ZFP90: variants seen among roughly 807,000 people sequenced by gnomAD.
ZFP90 encodes the protein zinc finger protein 90 homolog.
Under a neutral mutation model 60.8 loss-of-function variants are expected in ZFP90, and 38 were observed. The ratio of observed to expected loss-of-function variants is 0.62; its 90% CI spans 0.48 to 0.82. The LOEUF (loss-of-function observed/expected upper bound fraction) is 0.82, where lower values mean the gene tolerates loss of function less well. ZFP90 is among the 40% of genes least tolerant of loss of function. ZFP90 has a pLI of 0.00. For missense variants in ZFP90, 711 were observed against 759.1 expected (o/e 0.94, Z 0.74); for synonymous variants, 287 against 264.8 (o/e 1.08, Z -0.82).
chr16:68,549,771 G>T (rs917625416), intron 2 of ZFP90, among the ~76,000 whole-genome samples: 2 of 151,920 alleles, frequency 1.3e-5, no homozygotes, highest in African/African-American at 4.8e-5. Flanking sequence ...GCTGAAGGGG[G>T]ATGGGGAGCA....
chr16:68,557,910 T>G, intron 2 of ZFP90, 88 bp from the exon 3 acceptor site: 1 of 1,565,782 alleles, frequency 6.4e-7, no homozygotes, highest in South Asian at 1.1e-5. Flanking sequence ...TGATCACCAC[T>G]TCTGATAGCT....
chr16:68,561,845 G>A (rs2091443367), intron 4 of ZFP90, among the ~76,000 whole-genome samples: 1 of 152,108 alleles, frequency 6.6e-6, no homozygotes, highest in Admixed American at 6.6e-5. Flanking sequence ...GGAGTTTGGG[G>A]ATTTAGGGTC....
At chr16:68,571,600 T>C (rs1222721439), downstream of ZFP90, among the ~76,000 whole-genome samples, 1 of 152,078 alleles carries the variant, frequency 6.6e-6, no homozygotes, top group Non-Finnish European at 1.5e-5. Context: ...TGAGCACTGA[T>C]GCTCCTCAGA....
chr16:68,541,765 A>G (rs2091054597), intron 2 of ZFP90, among the ~76,000 whole-genome samples: 1 of 152,132 alleles, frequency 6.6e-6, no homozygotes, highest in Non-Finnish European at 1.5e-5. Flanking sequence ...TATCCTCCAT[A>G]GGCTTGTGAG....
chr16:68,548,032 G>T (rs993280358), intron 2 of ZFP90, among the ~76,000 whole-genome samples: 1 of 151,930 alleles, frequency 6.6e-6, no homozygotes, highest in East Asian at 1.9e-4. Flanking sequence ...TCACCATGTC[G>T]GTCAGGCTGG....
At chr16:68,574,873 G>T (rs1172012133) in intron 2 of ZFP90, among the ~76,000 whole-genome samples, 1 of 143,430 alleles carries the variant, frequency 7.0e-6, no homozygotes, top group Admixed American at 7.1e-5. Context: ...GCAGTGAGCA[G>T]AGATTGTGCC....
Position 68,558,494 on chromosome 16 carries a change from A to T in ZFP90, c.182A>T (p.Glu61Val), listed in dbSNP as rs765339528. Residue 61 changes from glutamate (E) to valine (V), a missense_variant, in exon 4 of 5, where the codon GAG (glutamate) becomes GTG (valine). Glu to Val is a moderately radical substitution (Grantham distance 121). Transcript: ENST00000563169. ...VSLGYQVSKPEVIFKLEQGEE... is the reference protein window; with the variant it reads ...VSLGYQVSKPVVIFKLEQGEE... The stretch of plus-strand genomic sequence containing the variant: ...GCAGGATATCAAGTTTCCAAGCCAG[A>T]GGTGATCTTCAAATTGGAGCAAGGA... The T allele has an allele frequency of 1.2e-6, 2 of 1,614,038 alleles. No individual in the cohort carries two copies. The highest frequency in any genetic ancestry group is 1.1e-5 in the South Asian group (1 of 91,074).
intron 2 of ZFP90, among the ~76,000 whole-genome samples, chr16:68,548,312 A>G (rs917755771): frequency 1.3e-5 from 2 of 152,166 alleles, no homozygotes; most frequent in Non-Finnish European, 2.9e-5. Context: ...ATTTTTATAG[A>G]CAAGATGTTT....
chr16:68,545,442 T>C (rs1597720098), intron 2 of ZFP90, among the ~76,000 whole-genome samples: 1 of 152,234 alleles, frequency 6.6e-6, no homozygotes, highest in East Asian at 1.9e-4. Flanking sequence ...AATGATTACA[T>C]GAAACAATGT....
At chr16:68,537,692 A>G (rs1439278919), upstream of ZFP90, among the ~76,000 whole-genome samples, 1 of 152,098 alleles carries the variant, frequency 6.6e-6, no homozygotes, top group East Asian at 1.9e-4. Flanking sequence ...CAGCCTCCCA[A>G]GTAGCTGGGA....
In ZFP90 at chr16:68,554,888, G is replaced by A. The variant is rs573953939; in HGVS notation, c.34-3110G>A. 9.2e-5 allele frequency among the ~76,000 whole-genome samples: 14 copies of A among 152,250 alleles called. No homozygotes were observed. In the South Asian group the frequency reaches 1.5e-3, roughly 16 times the overall value. ...GTTGGGCAATGACTATTACTAAACC[G>A]AAGAGACAATATGTCTAGAGGGTAG... is the stretch of plus-strand genomic sequence containing the variant. On this transcript the variant is annotated intron_variant, in intron 2 of 4. Coordinates refer to ENST00000563169, the MANE Select transcript of ZFP90 (RefSeq NM_001305203.2).
chr16:68,538,207 C>A (rs954637605), upstream of ZFP90, among the ~76,000 whole-genome samples: 2 of 152,194 alleles, frequency 1.3e-5, no homozygotes, highest in Admixed American at 1.3e-4. Flanking sequence ...CCACCGCACC[C>A]GGCATAAAGC....
At chr16:68,534,542 A>G (rs953536213), upstream of ZFP90, among the ~76,000 whole-genome samples, 38 of 150,376 alleles carry the variant, frequency 2.5e-4, no homozygotes, top group African/African-American at 7.3e-4. Context: ...TTAAAATTCT[A>G]TTTGGTTCTT....
chr16:68,573,161 A>G (rs2091576584), intron 2 of ZFP90, among the ~76,000 whole-genome samples: 1 of 152,240 alleles, frequency 6.6e-6, no homozygotes, highest in Non-Finnish European at 1.5e-5. Context: ...GCTCCTGGGA[A>G]GGAGGACAAG....
At chr16:68,546,817 C>A (rs1336903946) in intron 2 of ZFP90, among the ~76,000 whole-genome samples, 2 of 152,308 alleles carry the variant, frequency 1.3e-5, no homozygotes, top group African/African-American at 2.4e-5. Context: ...TGGCCAAAAT[C>A]ACACAGTATA....
At chr16:68,569,898 C>T (rs1217897526), downstream of ZFP90, among the ~76,000 whole-genome samples, 2 of 152,100 alleles carry the variant, frequency 1.3e-5, no homozygotes, top group African/African-American at 4.8e-5. Flanking sequence ...ATCAAGTCGT[C>T]CTCTAGTGTA....
chr16:68,544,108 C>T (rs1025879193), intron 2 of ZFP90, among the ~76,000 whole-genome samples: 1 of 152,326 alleles, frequency 6.6e-6, no homozygotes, highest in East Asian at 1.9e-4. Context: ...CCCACCTTGG[C>T]CTCCCAAAAT....
exon 3 of ZFP90, chr16:68,576,004 A>G: frequency 2.6e-6 from 1 of 391,664 alleles, no homozygotes; most frequent in Non-Finnish European, 4.5e-6. Flanking sequence ...GCAAGCAGCA[A>G]ATGTTCCCCT....
At chr16:68,575,152 A>T (rs1260876327) in intron 2 of ZFP90, among the ~76,000 whole-genome samples, 1 of 152,146 alleles carries the variant, frequency 6.6e-6, no homozygotes, top group East Asian at 1.9e-4. Flanking sequence ...CAGTGTCCCC[A>T]CCTGGGCCTC....
Sources: allele counts gnomAD v4.1 joint callset (sites outside exome capture counted in the v4.1 genomes callset), GRCh38; gene constraint gnomAD v4.1.1; transcripts MANE v1.5; gene names NCBI Gene and HGNC (gene_info 2026-07-23, HGNC 2026-07-21).